Variants in MUC20 observed in about 807,000 individuals in gnomAD.
The protein encoded by MUC20 is mucin-20.
Under a neutral mutation model 23.8 loss-of-function variants are expected in MUC20, and 14 were observed. The ratio of observed to expected loss-of-function variants is 0.59; its 90% CI spans 0.39 to 0.92. The LOEUF is 0.92. MUC20 is among the 40% of genes least tolerant of loss of function. The probability of loss-of-function intolerance (pLI) is 0.00; values close to 1 mark genes in which losing one functional copy is unlikely to be tolerated. For synonymous variants in MUC20, 166 were observed against 279.3 expected, an observed-to-expected ratio of 0.59 and a Z score of 4.04; for missense variants, 375 against 668.8, an observed-to-expected ratio of 0.56 and a Z score of 4.85.
In MUC20 at chr3:195,733,520, A is replaced by G. The variant is rs1713615341; in HGVS notation, c.*302A>G. ...CCTGATCACCCATCTGTGTGCTTCC[A>G]TCCTGCATTAAAATTCACTCAGTGT... On this transcript the variant is annotated 3_prime_UTR_variant, in exon 4 of 4. Coordinates refer to ENST00000447234, the MANE Select transcript of MUC20 (RefSeq NM_001282506.2). 1 of 1,340,852 alleles carries G rather than the reference A, an allele frequency of 7.5e-7. No homozygotes were observed. 83.1% of individuals were successfully genotyped at this position (1,340,852 alleles called of 1,614,324 possible).
intron 2 of MUC20, among the ~76,000 whole-genome samples, chr3:195,729,018 T>C (rs1162127018): frequency 6.6e-6 from 1 of 152,282 alleles, no homozygotes. Flanking sequence ...AGTACAGGTC[T>C]TTTTCAAAAT....
intron 3 of MUC20, among the ~76,000 whole-genome samples, chr3:195,730,895 C>T (rs1013333907): frequency 9.2e-5 from 14 of 152,276 alleles, no homozygotes; most frequent in Admixed American, 5.2e-4. Flanking sequence ...GGTAAAGTTC[C>T]GGGGTCAGGG....
At chr3:195,732,466 TCTC>T (rs1198490490) in intron 3 of MUC20, among the ~76,000 whole-genome samples, 1 of 152,170 alleles carries the variant, frequency 6.6e-6, no homozygotes, top group African/African-American at 2.4e-5. Flanking sequence ...TTCAAGCAAT[TCTC>T]CTGCCTCAAC....
At position 195,733,136 on chromosome 3, in the gene MUC20, C is replaced by G. The variant is rs1713568351; in HGVS notation, c.2062-14C>G. On this transcript the variant is annotated splice_polypyrimidine_tract_variant and intron_variant, in intron 3 of 3. Transcript: ENST00000447234. ...AGATGGGCTGAAAGGACAGCTGGCT[C>G]TTTTGCTCTCCAGCTCCACCGGGAA... 6 of 1,578,536 alleles carry G rather than the reference C, an allele frequency of 3.8e-6. No individual in the cohort carries two copies. The highest frequency in any genetic ancestry group is 5.2e-6 in the Non-Finnish European group (6 of 1,163,144).
At chr3:195,733,000 G>C (rs2148710574) in intron 3 of MUC20, 150 bp from the exon 4 acceptor site, 1 of 781,026 alleles carries the variant, frequency 1.3e-6, no homozygotes, top group Non-Finnish European at 2.1e-6. Flanking sequence ...ATGTGTGTGA[G>C]GCACCAGCCT....
In MUC20 at chr3:195,726,184, G is replaced by A. The variant is rs750854832; in HGVS notation, c.1581G>A (p.Arg527=). 1 of 1,608,886 alleles carries A rather than the reference G, an allele frequency of 6.2e-7. No individual in the cohort carries two copies. The highest frequency in any genetic ancestry group is 1.1e-5 in the South Asian group (1 of 90,902). ...GTGGAGCTCTGGTCACAGTTAGCAG[G>A]AATCCCCTTGAAGAAACCTCAGCCC... ...TLSGALVTVS[R]NPLEETSALS... Residue 527 remains arginine, a synonymous_variant, in exon 2 of 4, where the codon AGG becomes AGA. Coordinates refer to ENST00000447234, the MANE Select transcript of MUC20 (RefSeq NM_001282506.2).
At chr3:195,729,442 G>C in intron 2 of MUC20, 2 of 561,222 alleles carry the variant, frequency 3.6e-6, no homozygotes, top group Non-Finnish European at 3.2e-6. Context: ...TCAGCCTCCT[G>C]AGTAGCTGGG....
intron 2 of MUC20, 23 bp from the exon 3 acceptor site, chr3:195,729,625 A>T (rs1577859651): frequency 1.3e-6 from 2 of 1,559,850 alleles, no homozygotes; most frequent in Non-Finnish European, 1.7e-6. Flanking sequence ...CCTGATTTTC[A>T]TCTTACTGTT....
At position 195,726,047 on chromosome 3, in the gene MUC20, TCCACAGCCGGCA is replaced by T. The variant is rs1712600511; in HGVS notation, c.1451_1462del (p.Ala484_Thr487del). 5 of 1,613,846 alleles carry T rather than the reference TCCACAGCCGGCA, an allele frequency of 3.1e-6. No individual in the cohort carries two copies. The highest frequency in any genetic ancestry group is 1.7e-4 in the Middle Eastern group (1 of 6,060). On this transcript the variant is annotated inframe_deletion, in exon 2 of 4. Transcript: ENST00000447234. Reference sequence around the variant, plus strand: ...GGTCACAGCCTCTGCCGAGACCCTGTCCACAGCCGGCACCACAGAGTCAGCTGCACCTGATGC... The same window carrying T: ...GGTCACAGCCTCTGCCGAGACCCTGTCCACAGAGTCAGCTGCACCTGATGC...
At chr3:195,729,972 C>T (rs1314194025) in intron 3 of MUC20, 2 of 563,460 alleles carry the variant, frequency 3.5e-6, no homozygotes, top group Non-Finnish European at 3.1e-6. Context: ...TCCTAGAGCC[C>T]CCAGTTTCTT....
intron 3 of MUC20, among the ~76,000 whole-genome samples, chr3:195,732,821 T>C (rs1474033227): frequency 2.0e-5 from 3 of 152,224 alleles, no homozygotes; most frequent in African/African-American, 7.2e-5. Flanking sequence ...GCCCAACAGT[T>C]TGGGCTCGGG....
rs1713173372 is a variant in MUC20 at position 195,729,776 on chromosome 3, A to G, written c.2061+37A>G. 6 of 1,558,538 alleles carry G rather than the reference A, an allele frequency of 3.8e-6. No homozygotes were observed. In the African/African-American group the frequency reaches 6.8e-5, roughly 18 times the overall value. ...CTTTCCGGGCCAGGGGAGTAGAGGA[A>G]GGGGCGAGGTTCGCAGGGGCTGCAG... On this transcript the variant is annotated intron_variant, in intron 3 of 3. Transcript: ENST00000447234.
In MUC20 at chr3:195,733,281, G is replaced by GC; in HGVS notation, c.*68dup. 6.4e-7 allele frequency: 1 copy of GC among 1,554,040 alleles called. No homozygotes were observed. The highest frequency in any genetic ancestry group is 8.7e-7 in the Non-Finnish European group (1 of 1,148,558). ...AAAGAGGGTGCTGCCCCTAGCCTGG[G>GC]CCCCCACCGACAGACTGCAGCTGCG... On this transcript the variant is annotated 3_prime_UTR_variant, in exon 4 of 4. Transcript: ENST00000447234.
chr3:195,729,794 G>T (rs1284654747), intron 3 of MUC20, 55 bp downstream of exon 3: 1 of 1,510,736 alleles, frequency 6.6e-7, no homozygotes, highest in African/African-American at 1.4e-5. Flanking sequence ...GGTTCGCAGG[G>T]GCTGCAGGGA....
intron 3 of MUC20, among the ~76,000 whole-genome samples, chr3:195,732,731 C>G (rs2641731): frequency 0.39 from 59,208 of 150,418 alleles, 7,746 homozygotes; most frequent in East Asian, 0.73. Flanking sequence ...AAAGAAACCG[C>G]GAGATCAGGA....
At chr3:195,728,580 C>T (rs2148704355) in intron 2 of MUC20, among the ~76,000 whole-genome samples, 1 of 152,296 alleles carries the variant, frequency 6.6e-6, no homozygotes, top group South Asian at 2.1e-4. Context: ...TATACTGAGA[C>T]ATTCAGTTCC....
At chr3:195,732,154 C>T (rs921817440) in intron 3 of MUC20, among the ~76,000 whole-genome samples, 4 of 152,020 alleles carry the variant, frequency 2.6e-5, no homozygotes, top group African/African-American at 9.7e-5. Context: ...CAGGCCCGCA[C>T]CACCATACCT....
At chr3:195,731,417 G>T (rs757638430) in intron 3 of MUC20, among the ~76,000 whole-genome samples, 1 of 152,248 alleles carries the variant, frequency 6.6e-6, no homozygotes, top group Non-Finnish European at 1.5e-5. Context: ...TGTTGCAGGC[G>T]AAAGAAAACC....
intron 3 of MUC20, 68 bp from the exon 4 acceptor site, chr3:195,733,082 G>GTCC: frequency 6.6e-7 from 1 of 1,516,326 alleles, no homozygotes; most frequent in South Asian, 1.2e-5. Context: ...GTCCCTTCCT[G>GTCC]TCCTCTGCCT....
Sources: allele counts gnomAD v4.1 joint callset (sites outside exome capture counted in the v4.1 genomes callset), GRCh38; gene constraint gnomAD v4.1.1; transcripts MANE v1.5; gene names NCBI Gene and HGNC (gene_info 2026-07-23, HGNC 2026-07-21).